The following SMYD2 variants were observed in gnomAD, a reference collection of about 807,000 sequenced individuals.
SMYD2 encodes the protein N-lysine methyltransferase SMYD2.
In SMYD2, 53 loss-of-function variants were observed where a neutral mutation model predicts 59.1. The observed-to-expected ratio is 0.90, with a 90% CI of 0.72 to 1.13. The LOEUF (loss-of-function observed/expected upper bound fraction) is 1.13. Ranked by LOEUF, SMYD2 falls within the 50% of genes most tolerant of loss-of-function variation. SMYD2 has a pLI of 0.00. For missense variants in SMYD2, 494 were observed against 544.7 expected (o/e 0.91, Z 0.93); for synonymous variants, 208 against 198.8 (o/e 1.05, Z -0.39).
Position 214,281,175 on chromosome 1 carries a change from C to A in SMYD2, c.-80C>A. ...GCGGCTCCCACCCCGCCCCCCGCAGCTCTAGGTGACGCGTCTCCAATAACA... is the reference window on the plus strand; with the variant it reads ...GCGGCTCCCACCCCGCCCCCCGCAGATCTAGGTGACGCGTCTCCAATAACA... On this transcript the variant is annotated 5_prime_UTR_variant, in exon 1 of 12. Coordinates refer to ENST00000366957, the MANE Select transcript of SMYD2 (RefSeq NM_020197.3). 1 of 1,085,420 alleles carries A rather than the reference C, an allele frequency of 9.2e-7. No individual in the cohort carries two copies. Among genetic ancestry groups the A allele is most frequent in the Non-Finnish European group, 1.2e-6 (1 of 861,758 alleles). The allele number at this position is 1,085,420 out of a possible 1,614,324, so 67.2% of individuals were successfully genotyped here. A position where few individuals can be genotyped will look rare whatever the true frequency, so the allele number is the denominator to read the frequency against.
chr1:214,281,213 C>T lies in SMYD2; in HGVS notation c.-42C>T. ...GTCTCCAATAACAGCTCGCCGGGAG[C>T]CGCAGCTCGGGCACAGCCGGCGGCC... On this transcript the variant is annotated 5_prime_UTR_variant, in exon 1 of 12. Transcript: ENST00000366957. 1.6e-6 allele frequency: 2 copies of T among 1,217,908 alleles called. No homozygotes were observed. Among genetic ancestry groups the T allele is most frequent in the Non-Finnish European group, 2.1e-6 (2 of 974,604 alleles). The allele number at this position is 1,217,908 out of a possible 1,614,324, so 75.4% of individuals were successfully genotyped here. A position where few individuals can be genotyped will look rare whatever the true frequency, so the allele number is the denominator to read the frequency against.
chr1:214,297,244 C>T (rs1311598829), intron 1 of SMYD2, among the ~76,000 whole-genome samples: 1 of 151,942 alleles, frequency 6.6e-6, no homozygotes, highest in African/African-American at 2.4e-5. Context: ...AGGTTGAGAA[C>T]CACTGTGAGA....
intron 2 of SMYD2, among the ~76,000 whole-genome samples, chr1:214,313,775 C>A (rs1657037051): frequency 6.6e-6 from 1 of 152,190 alleles, no homozygotes; most frequent in South Asian, 2.1e-4. Context: ...TGGTGTCCTT[C>A]TCTCAATGCC....
At position 214,304,479 on chromosome 1, in the gene SMYD2, C is replaced by A. The variant is rs1006162300; in HGVS notation, c.174-708C>A. ...GGAGCTGATGTGGGAGAACGGCCTACGCCCGGGAAGTCGAAGCTGTAGTGA... is the reference window on the plus strand; with the variant it reads ...GGAGCTGATGTGGGAGAACGGCCTAAGCCCGGGAAGTCGAAGCTGTAGTGA... On this transcript the variant is annotated intron_variant, in intron 1 of 11. Coordinates refer to ENST00000366957, the MANE Select transcript of SMYD2 (RefSeq NM_020197.3). Among the ~76,000 whole-genome samples, 5 of 144,798 alleles carry A rather than the reference C, an allele frequency of 3.5e-5. No individual in the cohort carries two copies. The East Asian group carries it at 1.0e-3, about 30-fold the overall frequency. 95.0% of individuals were successfully genotyped at this position (144,798 alleles called of 152,430 possible).
intron 1 of SMYD2, among the ~76,000 whole-genome samples, chr1:214,287,501 C>T (rs141135485): frequency 2.8e-5 from 4 of 145,358 alleles, no homozygotes; most frequent in South Asian, 4.4e-4. Context: ...GCAGGAGAAT[C>T]GCTTGAACCC....
Position 214,299,465 on chromosome 1 carries a change from T to TATATATATATATATATATATATATA in SMYD2, c.174-5722_174-5721insATATATATATATATATATATATATA, listed in dbSNP as rs1553254476. ...AACAGTGAACTGGATAAAGAAAACA[T>TATATATATATATATATATATATATA]TATATATATATATATATACACCATA... On this transcript the variant is annotated intron_variant, in intron 1 of 11. Transcript: ENST00000366957. 2.0e-3 allele frequency among the ~76,000 whole-genome samples: 143 copies of TATATATATATATATATATATATATA among 71,466 alleles called. 1 individual carries two copies. The highest frequency in any genetic ancestry group is 5.6e-3 in the Middle Eastern group (1 of 178). The allele number at this position is 71,466 out of a possible 152,430, so 46.9% of individuals were successfully genotyped here.
rs1657364710 is a variant in SMYD2, at chr1:214,332,080, G to A, written c.1000G>A (p.Asp334Asn). 6.2e-7 allele frequency: 1 copy of A among 1,614,118 alleles called. No individual in the cohort carries two copies. Among genetic ancestry groups the A allele is most frequent in the Non-Finnish European group, 8.5e-7 (1 of 1,180,040 alleles). The change falls in exon 10 of 12, where the codon GAC (aspartate) becomes AAC (asparagine). Residue 334 changes from aspartate (D) to asparagine (N), a missense_variant. Physicochemically the swap from Asp to Asn is conservative, Grantham distance 23. Transcript: ENST00000366957. Reference sequence around the variant, plus strand: ...GGAGAAGATGAGCTCTGTGTTTGAGGACAGTAACGTGTACATGTTGCACAT... The same window carrying A: ...GGAGAAGATGAGCTCTGTGTTTGAGAACAGTAACGTGTACATGTTGCACAT... ...SQEKMSSVFE[D>N]SNVYMLHMMY...
At chr1:214,294,895 G>C in intron 1 of SMYD2, among the ~76,000 whole-genome samples, 1 of 152,120 alleles carries the variant, frequency 6.6e-6, no homozygotes, top group East Asian at 1.9e-4. Flanking sequence ...TTTTCAAGTA[G>C]TTAAATTTAT....
At chr1:214,301,218 C>T (rs920981482) in intron 1 of SMYD2, among the ~76,000 whole-genome samples, 1 of 152,148 alleles carries the variant, frequency 6.6e-6, no homozygotes, top group South Asian at 2.1e-4. Context: ...AATAAAGCTT[C>T]ACATAGATAC....
At chr1:214,324,898 A>G (rs1181322404) in intron 6 of SMYD2, among the ~76,000 whole-genome samples, 190 bp downstream of exon 6, 1 of 152,260 alleles carries the variant, frequency 6.6e-6, no homozygotes, top group Non-Finnish European at 1.5e-5. Context: ...GGTAGTAGTT[A>G]AGAGAACAGT....
At chr1:214,324,013 C>T (rs764198152) in intron 5 of SMYD2, among the ~76,000 whole-genome samples, 5 of 152,178 alleles carry the variant, frequency 3.3e-5, no homozygotes, top group African/African-American at 9.7e-5. Flanking sequence ...CTGCAGCCTC[C>T]GCCTCCTGGG....
chr1:214,330,239 C>A lies in SMYD2; in HGVS notation c.777C>A (p.Phe259Leu). The A allele has an allele frequency of 1.2e-6, 2 of 1,613,478 alleles. No individual in the cohort carries two copies. Among genetic ancestry groups the A allele is most frequent in the Non-Finnish European group, 1.7e-6 (2 of 1,179,606 alleles). ...DRNDRLRDSYFFTCECQECTT... is the reference protein window; with the variant it reads ...DRNDRLRDSYLFTCECQECTT... ...ATGACCGGTTAAGAGATTCTTATTT[C>A]TTTACCTGTGAGTGCCAGGAGTGTA... The change falls in exon 8 of 12, where the codon TTC (phenylalanine) becomes TTA (leucine). Residue 259 changes from phenylalanine (F) to leucine (L), a missense_variant. Phe to Leu is a conservative substitution (Grantham distance 22, BLOSUM62 0). Transcript: ENST00000366957.
At chr1:214,288,658 C>T (rs779049316) in intron 1 of SMYD2, among the ~76,000 whole-genome samples, 49 of 152,318 alleles carry the variant, frequency 3.2e-4, no homozygotes, top group Non-Finnish European at 5.6e-4. Flanking sequence ...ATGTTTGATT[C>T]AGCCATCTTA....
intron 1 of SMYD2, among the ~76,000 whole-genome samples, chr1:214,284,543 T>C (rs957552793): frequency 2.0e-5 from 3 of 150,162 alleles, no homozygotes; most frequent in Non-Finnish European, 4.4e-5. Flanking sequence ...GCCAAGTATG[T>C]TGTATTTTAA....
chr1:214,334,655 A>AAATCAAGT, intron 11 of SMYD2, among the ~76,000 whole-genome samples: 1 of 152,206 alleles, frequency 6.6e-6, no homozygotes, highest in Non-Finnish European at 1.5e-5. Context: ...AGGAGGTAGG[A>AAATCAAGT]TATGGAGAGT....
At chr1:214,317,187 C>G (rs886532066) in intron 3 of SMYD2, among the ~76,000 whole-genome samples, 2 of 152,076 alleles carry the variant, frequency 1.3e-5, no homozygotes, top group African/African-American at 4.8e-5. Context: ...GGAGGGTAGT[C>G]TGAATGCAAA....
chr1:214,282,908 T>C (rs1656472406), intron 1 of SMYD2, among the ~76,000 whole-genome samples: 1 of 152,132 alleles, frequency 6.6e-6, no homozygotes, highest in Admixed American at 6.6e-5. Flanking sequence ...AGCCTTGCTG[T>C]GGCTCGGAGT....
intron 3 of SMYD2, 89 bp from the exon 4 acceptor site, chr1:214,317,986 TTTTC>T (rs1657111536): frequency 2.5e-6 from 3 of 1,184,902 alleles, no homozygotes; most frequent in Non-Finnish European, 3.8e-6. Flanking sequence ...AATTGTTACT[TTTTC>T]TTTATGTTGA....
chr1:214,334,801 T>G (rs949236523), intron 11 of SMYD2, among the ~76,000 whole-genome samples: 1 of 152,176 alleles, frequency 6.6e-6, no homozygotes, highest in Non-Finnish European at 1.5e-5. Context: ...CCGAGAGGCT[T>G]TCCTGATGAA....
Sources: allele counts gnomAD v4.1 joint callset (sites outside exome capture counted in the v4.1 genomes callset), GRCh38; gene constraint gnomAD v4.1.1; transcripts MANE v1.5; gene names NCBI Gene and HGNC (gene_info 2026-07-23, HGNC 2026-07-21).